GALNT2: variants seen among roughly 807,000 people sequenced by gnomAD.
GALNT2 encodes the protein UDP-GalNAc:polypeptide N-acetylgalactosaminyltransferase 2.
Under a neutral mutation model 81.4 loss-of-function variants are expected in GALNT2, and 31 were observed. That is an observed-to-expected ratio of 0.38 (90% confidence interval 0.29 to 0.51). The LOEUF is 0.51. GALNT2 is among the 20% of genes least tolerant of loss of function. GALNT2 has a pLI of 0.87. For synonymous variants in GALNT2, 303 were observed against 287.4 expected, an observed-to-expected ratio of 1.05 and a Z score of -0.55; for missense variants, 629 against 765.7, an observed-to-expected ratio of 0.82 and a Z score of 2.11.
intron 1 of GALNT2, among the ~76,000 whole-genome samples, chr1:230,107,643 T>TGTGTGTGTGTGTGTGTGTGG (rs779421010): frequency 1.3e-5 from 2 of 149,006 alleles, no homozygotes; most frequent in East Asian, 3.9e-4. Flanking sequence ...TGTGTGTGTG[T>TGTGTGTGTGTGTGTGTGTGG]GGTTGGTTGG....
At chr1:230,163,162 TAAAACAAC>T (rs1382507835) in intron 1 of GALNT2, among the ~76,000 whole-genome samples, 11 of 91,544 alleles carry the variant, frequency 1.2e-4, no homozygotes, top group Non-Finnish European at 6.8e-5. Flanking sequence ...AACTCCGCAT[TAAAACAAC>T]AACAACAACA....
intron 15 of GALNT2, among the ~76,000 whole-genome samples, chr1:230,274,947 A>G (rs972052964): frequency 2.0e-5 from 3 of 151,334 alleles, no homozygotes; most frequent in African/African-American, 7.3e-5. Context: ...GAGCATATAT[A>G]TACACACATA....
At chr1:230,099,335 G>A (rs1017858387) in intron 1 of GALNT2, among the ~76,000 whole-genome samples, 1 of 152,164 alleles carries the variant, frequency 6.6e-6, no homozygotes, top group Admixed American at 6.5e-5. Context: ...CGGGATGGGG[G>A]TGTCTGATGT....
chr1:230,200,349 C>T (rs1333656917), intron 2 of GALNT2, among the ~76,000 whole-genome samples: 1 of 152,222 alleles, frequency 6.6e-6, no homozygotes, highest in Non-Finnish European at 1.5e-5. Context: ...AGGCGTGAGC[C>T]AGTGCGCCCG....
Position 230,274,426 on chromosome 1 carries a change from T to C in GALNT2, c.1441-19T>C. The C allele has an allele frequency of 6.2e-7, 1 of 1,612,678 alleles. No homozygotes were observed. Among genetic ancestry groups the C allele is most frequent in the Non-Finnish European group, 8.5e-7 (1 of 1,179,330 alleles). On this transcript the variant is annotated intron_variant, in intron 14 of 15. Transcript: ENST00000366672. ...GCCCGGTGCATAGCACGCCTCTGAC[T>C]TCTGGTTTTGTGTTCCAGGAATGGG...
Position 230,205,156 on chromosome 1 carries a change from A to C in GALNT2, c.374+1866A>C, listed in dbSNP as rs1402014015. ...GCTGGAGAGAGACAAATGGCCAGTG[A>C]AACTACATTCACACACACTGCATAC... On this transcript the variant is annotated intron_variant, in intron 3 of 15. Coordinates refer to ENST00000366672, the MANE Select transcript of GALNT2 (RefSeq NM_004481.5). Among the ~76,000 whole-genome samples, 3 of 152,158 alleles carry C rather than the reference A, an allele frequency of 2.0e-5. No individual in the cohort carries two copies. In the East Asian group the frequency reaches 5.8e-4, roughly 29 times the overall value.
At chr1:230,252,515 T>C (rs575567341) in intron 10 of GALNT2, among the ~76,000 whole-genome samples, 7 of 152,314 alleles carry the variant, frequency 4.6e-5, no homozygotes, top group African/African-American at 1.2e-4. Flanking sequence ...CTGTTTGTGC[T>C]TTCTTAACGG....
intron 1 of GALNT2, among the ~76,000 whole-genome samples, chr1:230,094,530 TG>T (rs952821858): frequency 2.0e-5 from 3 of 151,870 alleles, no homozygotes; most frequent in Admixed American, 2.0e-4. Flanking sequence ...CCCAGCTACT[TG>T]GGAGGCTGAG....
intron 3 of GALNT2, among the ~76,000 whole-genome samples, chr1:230,210,048 C>T (rs1355469599): frequency 6.6e-6 from 1 of 152,184 alleles, no homozygotes; most frequent in African/African-American, 2.4e-5. Flanking sequence ...GGGTAACATC[C>T]CCTTGATGCC....
intron 1 of GALNT2, among the ~76,000 whole-genome samples, chr1:230,126,633 A>G (rs1404510969): frequency 6.6e-6 from 1 of 152,212 alleles, no homozygotes; most frequent in African/African-American, 2.4e-5. Flanking sequence ...CACGTACCTC[A>G]GTCTCTCCTC....
chr1:230,204,648 G>A (rs1490639595), intron 3 of GALNT2, among the ~76,000 whole-genome samples: 3 of 152,118 alleles, frequency 2.0e-5, no homozygotes, highest in Admixed American at 6.5e-5. Context: ...TTGATTGGGA[G>A]GTCTTTCACA....
At chr1:230,210,325 C>G (rs1664197736) in intron 3 of GALNT2, among the ~76,000 whole-genome samples, 1 of 152,208 alleles carries the variant, frequency 6.6e-6, no homozygotes, top group Non-Finnish European at 1.5e-5. Flanking sequence ...CTTCTTTCCC[C>G]TGTCAACTAG....
intron 1 of GALNT2, among the ~76,000 whole-genome samples, chr1:230,077,696 TCAAA>T (rs1055881445): frequency 1.3e-5 from 2 of 152,176 alleles, no homozygotes; most frequent in African/African-American, 4.8e-5. Context: ...CCTATTTTCT[TCAAA>T]CAGAGTCATC....
chr1:230,262,822 C>A, intron 12 of GALNT2, 100 bp from the exon 13 acceptor site: 1 of 1,354,406 alleles, frequency 7.4e-7, no homozygotes. Context: ...ACCACACCAC[C>A]TGCCCCAACC....
At chr1:230,227,363 C>G (rs1223356942) in intron 3 of GALNT2, among the ~76,000 whole-genome samples, 1 of 151,646 alleles carries the variant, frequency 6.6e-6, no homozygotes, top group African/African-American at 2.4e-5. Flanking sequence ...AGTATAAGAA[C>G]AGCAAATTGT....
At chr1:230,110,714 G>GTTTTTTTTTTT (rs113630188) in intron 1 of GALNT2, among the ~76,000 whole-genome samples, 7 of 137,652 alleles carry the variant, frequency 5.1e-5, no homozygotes, top group South Asian at 2.3e-4. Flanking sequence ...GTGCTTTTCT[G>GTTTTTTTTTTT]TTTTTTTTTT....
At chr1:230,151,475 T>G (rs777839834) in intron 1 of GALNT2, among the ~76,000 whole-genome samples, 7 of 152,234 alleles carry the variant, frequency 4.6e-5, no homozygotes, top group Non-Finnish European at 1.0e-4. Flanking sequence ...CTAGTTGTTT[T>G]GTAAACAGTG....
Position 230,222,031 on chromosome 1 carries a change from C to CTTTTTTTTTTTTTTTTTTTTTTTTT in GALNT2, c.375-13970_375-13969insTTTTTTTTTTTTTTTTTTTTTTTTT, listed in dbSNP as rs564681409. Among the ~76,000 whole-genome samples, 268 of 96,064 alleles carry CTTTTTTTTTTTTTTTTTTTTTTTTT rather than the reference C, an allele frequency of 2.8e-3. 44 individuals carry two copies. Among genetic ancestry groups the CTTTTTTTTTTTTTTTTTTTTTTTTT allele is most frequent in the East Asian group, 6.3e-3 (13 of 2,056 alleles). 63.0% of individuals were successfully genotyped at this position (96,064 alleles called of 152,430 possible). On this transcript the variant is annotated intron_variant, in intron 3 of 15. Coordinates refer to ENST00000366672, the MANE Select transcript of GALNT2 (RefSeq NM_004481.5). ...TTTATATACATTTCACTGCTTTTCT[C>CTTTTTTTTTTTTTTTTTTTTTTTTT]TTTTTTTTTTTTTGAGACAGAGTCT...
chr1:230,132,387 C>T (rs1476299536), intron 1 of GALNT2, among the ~76,000 whole-genome samples: 1 of 152,212 alleles, frequency 6.6e-6, no homozygotes, highest in Non-Finnish European at 1.5e-5. Context: ...GTGGCCATCT[C>T]TCCAGCTGAT....
Sources: gnomAD v4.1 joint callset for allele counts (sites outside exome capture counted in the v4.1 genomes callset) on GRCh38, gnomAD v4.1.1 for gene constraint, MANE v1.5 for transcripts, NCBI Gene and HGNC (gene_info 2026-07-23, HGNC 2026-07-21) for gene names.